FAM135B: variants seen among roughly 807,000 people sequenced by gnomAD.
FAM135B encodes family with sequence similarity 135 member B.
Under a neutral mutation model 127.7 loss-of-function variants are expected in FAM135B, and 43 were observed. The ratio of observed to expected loss-of-function variants is 0.34; its 90% confidence interval spans 0.26 to 0.43. The LOEUF (loss-of-function observed/expected upper bound fraction) is 0.43. FAM135B is among the 20% of genes least tolerant of loss of function. FAM135B has a pLI of 1.00. For synonymous variants in FAM135B, 670 were observed against 665.1 expected (o/e 1.01, Z -0.11); for missense variants, 1,558 against 1,725.6 (o/e 0.90, Z 1.72).
At chr8:138,258,974 A>G (rs1037785462) in intron 4 of FAM135B, among the ~76,000 whole-genome samples, 1 of 152,200 alleles carries the variant, frequency 6.6e-6, no homozygotes, top group Non-Finnish European at 1.5e-5. Context: ...CATTTACAGA[A>G]GAGTTATTAT....
intron 2 of FAM135B, among the ~76,000 whole-genome samples, chr8:138,363,460 G>C (rs1830558813): frequency 6.6e-6 from 1 of 152,098 alleles, no homozygotes; most frequent in Non-Finnish European, 1.5e-5. Flanking sequence ...CCAAAGCCAG[G>C]TCCTCAGTAC....
At chr8:138,342,491 G>A (rs1829120769) in intron 2 of FAM135B, among the ~76,000 whole-genome samples, 1 of 152,170 alleles carries the variant, frequency 6.6e-6, no homozygotes, top group South Asian at 2.1e-4. Context: ...TTGCGACCAA[G>A]AGCCCTTCAG....
intron 1 of FAM135B, among the ~76,000 whole-genome samples, chr8:138,492,775 C>A (rs980096232): frequency 6.6e-6 from 1 of 152,248 alleles, no homozygotes; most frequent in East Asian, 1.9e-4. Context: ...GACTCTCTCT[C>A]CTTTAAGAAG....
intron 1 of FAM135B, among the ~76,000 whole-genome samples, chr8:138,434,725 G>A (rs1402153440): frequency 6.6e-6 from 1 of 152,202 alleles, no homozygotes; most frequent in Non-Finnish European, 1.5e-5. Flanking sequence ...ACAGTGGAAA[G>A]CTACTTACCT....
chr8:138,290,085 T>C (rs777516818), intron 3 of FAM135B, among the ~76,000 whole-genome samples: 1 of 152,164 alleles, frequency 6.6e-6, no homozygotes, highest in Non-Finnish European at 1.5e-5. Context: ...TGCCTCTCAG[T>C]GAGTGCTCAA....
intron 1 of FAM135B, among the ~76,000 whole-genome samples, chr8:138,461,946 G>A (rs1224328963): frequency 2.6e-5 from 4 of 151,798 alleles, no homozygotes; most frequent in African/African-American, 9.7e-5. Flanking sequence ...CATCCTGCCC[G>A]AATGACACAG....
intron 1 of FAM135B, among the ~76,000 whole-genome samples, chr8:138,378,670 C>A (rs561030136): frequency 6.6e-6 from 1 of 152,176 alleles, no homozygotes; most frequent in East Asian, 1.9e-4. Context: ...GCATTCACCC[C>A]CTTAATGTTG....
intron 1 of FAM135B, among the ~76,000 whole-genome samples, chr8:138,453,416 T>A (rs1200185197): frequency 4.2e-5 from 6 of 143,992 alleles, no homozygotes; most frequent in Non-Finnish European, 7.5e-5. Context: ...CTCACATAGG[T>A]CCAAGTGACA....
chr8:138,460,722 T>C (rs1031968428), intron 1 of FAM135B, among the ~76,000 whole-genome samples: 1 of 151,916 alleles, frequency 6.6e-6, no homozygotes, highest in Admixed American at 6.5e-5. Flanking sequence ...TTTTTTTCTA[T>C]AAAAAAAGAA....
chr8:138,142,418 G>A (rs1013676982), intron 16 of FAM135B, among the ~76,000 whole-genome samples: 10 of 147,340 alleles, frequency 6.8e-5, no homozygotes, highest in South Asian at 6.5e-4. Context: ...ATTCTCCTGC[G>A]TCAGCCTCCT....
intron 1 of FAM135B, among the ~76,000 whole-genome samples, chr8:138,472,639 T>A (rs1187885248): frequency 1.3e-5 from 2 of 151,330 alleles, no homozygotes; most frequent in Non-Finnish European, 2.9e-5. Flanking sequence ...AGATAAAGAG[T>A]AGAGGAAGGA....
intron 7 of FAM135B, among the ~76,000 whole-genome samples, chr8:138,218,307 C>T (rs1337190060): frequency 6.6e-6 from 1 of 152,082 alleles, no homozygotes; most frequent in Non-Finnish European, 1.5e-5. Flanking sequence ...TGAGAGCTAC[C>T]ATTTATTCAA....
chr8:138,349,854 C>T (rs1055893117), intron 2 of FAM135B, among the ~76,000 whole-genome samples: 10 of 152,142 alleles, frequency 6.6e-5, no homozygotes, highest in African/African-American at 1.4e-4. Context: ...GTTTCAATCC[C>T]GGACATACCA....
chr8:138,163,178 G>C (rs1819559454), intron 12 of FAM135B, among the ~76,000 whole-genome samples: 1 of 152,114 alleles, frequency 6.6e-6, no homozygotes. Flanking sequence ...ACTAGTCACA[G>C]CAATCCCCTG....
intron 1 of FAM135B, among the ~76,000 whole-genome samples, chr8:138,457,745 G>C (rs1021596582): frequency 6.6e-6 from 1 of 152,176 alleles, no homozygotes; most frequent in Non-Finnish European, 1.5e-5. Flanking sequence ...GCTGAGGCAG[G>C]CTAATCGGAT....
At chr8:138,338,593 T>A (rs1462393577) in intron 2 of FAM135B, among the ~76,000 whole-genome samples, 3 of 150,922 alleles carry the variant, frequency 2.0e-5, no homozygotes, top group African/African-American at 7.3e-5. Flanking sequence ...TGGCGATCAT[T>A]AAAAAGTCAG....
At chr8:138,245,082 C>A (rs1419934070) in intron 6 of FAM135B, among the ~76,000 whole-genome samples, 1 of 152,120 alleles carries the variant, frequency 6.6e-6, no homozygotes, top group Non-Finnish European at 1.5e-5. Context: ...TCTGCAAAAT[C>A]CAGAGGACAG....
At chr8:138,169,373 A>C (rs1399843931) in intron 11 of FAM135B, among the ~76,000 whole-genome samples, 2 of 148,838 alleles carry the variant, frequency 1.3e-5, no homozygotes, top group East Asian at 4.0e-4. Context: ...TGAATATTTA[A>C]CTCTTTAAAT....
intron 1 of FAM135B, among the ~76,000 whole-genome samples, chr8:138,405,035 AG>A (rs1833382827): frequency 6.6e-6 from 1 of 152,100 alleles, no homozygotes; most frequent in African/African-American, 2.4e-5. Flanking sequence ...TACCTATTGC[AG>A]CTATAGCCTC....
Sources: allele counts gnomAD v4.1 joint callset (sites outside exome capture counted in the v4.1 genomes callset), GRCh38; gene constraint gnomAD v4.1.1; transcripts MANE v1.5; gene names NCBI Gene and HGNC (gene_info 2026-07-23, HGNC 2026-07-21).